The following VDAC2 variants were observed in gnomAD, a reference collection of about 807,000 sequenced individuals.
The protein encoded by VDAC2 is voltage dependent anion channel 2.
In VDAC2, 6 loss-of-function variants were observed where a neutral mutation model predicts 36.6. The ratio of observed to expected loss-of-function variants is 0.16; its 90% confidence interval spans 0.09 to 0.32. The LOEUF (loss-of-function observed/expected upper bound fraction) is 0.32, where lower values mean the gene tolerates loss of function less well. Among genes scored for constraint, VDAC2 ranks in the 10% least tolerant of loss-of-function variants. The pLI, the probability that VDAC2 is intolerant of heterozygous loss-of-function variation, is 1.00. For missense variants in VDAC2, 247 were observed against 346.0 expected, an observed-to-expected ratio of 0.71 and a Z score of 2.27; for synonymous variants, 109 against 123.8, an observed-to-expected ratio of 0.88 and a Z score of 0.79.
chr10:75,211,307 T>G (rs1374552575), intron 2 of VDAC2, 118 bp downstream of exon 2: 2 of 1,473,888 alleles, frequency 1.4e-6, no homozygotes, highest in African/African-American at 2.8e-5. Flanking sequence ...CTGCTTTTGG[T>G]GGTCGCCCCA....
At chr10:75,230,094 T>C (rs1283040112) in intron 9 of VDAC2, among the ~76,000 whole-genome samples, 1 of 152,210 alleles carries the variant, frequency 6.6e-6, no homozygotes, top group Non-Finnish European at 1.5e-5. Context: ...GCCTATAGTC[T>C]TGTTGACTTT....
chr10:75,230,513 T>C (rs1197601507), intron 9 of VDAC2, among the ~76,000 whole-genome samples: 2 of 152,204 alleles, frequency 1.3e-5, no homozygotes, highest in African/African-American at 4.8e-5. Context: ...AACATTAATG[T>C]AATACCAAAT....
At chr10:75,214,740 G>A (rs541570363) in intron 4 of VDAC2, among the ~76,000 whole-genome samples, 1 of 152,224 alleles carries the variant, frequency 6.6e-6, no homozygotes, top group Non-Finnish European at 1.5e-5. Flanking sequence ...GGCCAGGCTG[G>A]TCTCCAACTC....
At chr10:75,213,889 T>C (rs565031536) in intron 3 of VDAC2, 132 bp from the exon 4 acceptor site, 11 of 806,938 alleles carry the variant, frequency 1.4e-5, no homozygotes, top group South Asian at 1.2e-4. Context: ...CATTTAAATA[T>C]TGTATATTAA....
chr10:75,213,226 A>G (rs1208177837), intron 3 of VDAC2, among the ~76,000 whole-genome samples: 3 of 150,684 alleles, frequency 2.0e-5, no homozygotes, highest in African/African-American at 7.3e-5. Flanking sequence ...TTACAGGCAC[A>G]TGCCACCATG....
intron 4 of VDAC2, 82 bp downstream of exon 4, chr10:75,214,152 C>T (rs1444372568): frequency 7.0e-6 from 10 of 1,427,118 alleles, no homozygotes; most frequent in South Asian, 2.4e-5. Flanking sequence ...AAGATGTCTA[C>T]CTGTTTTGTC....
chr10:75,231,249 TA>T lies in VDAC2; in HGVS notation c.*262del, dbSNP rs1162636397. ...AACTGTTAAATGCGCTACCCACCAA[TA>T]ATGAAATAGACCTTTATGAAAACTG... On this transcript the variant is annotated 3_prime_UTR_variant, in exon 10 of 10. Transcript: ENST00000332211. 5.0e-5 allele frequency: 15 copies of T among 300,072 alleles called. No individual in the cohort carries two copies. The highest frequency in any genetic ancestry group is 5.2e-5 in the Admixed American group (1 of 19,350). 18.6% of individuals were successfully genotyped at this position (300,072 alleles called of 1,614,324 possible). A position where few individuals can be genotyped will look rare whatever the true frequency, so the allele number is the denominator to read the frequency against.
At chr10:75,212,400 C>A in intron 3 of VDAC2, 102 bp downstream of exon 3, 1 of 1,083,412 alleles carries the variant, frequency 9.2e-7, no homozygotes, top group Non-Finnish European at 1.3e-6. Context: ...AAATATCTTG[C>A]TGCTTTAAAT....
intron 5 of VDAC2, 35 bp from the exon 6 acceptor site, chr10:75,219,269 A>C (rs1442510604): frequency 6.4e-7 from 1 of 1,565,470 alleles, no homozygotes; most frequent in Admixed American, 1.9e-5. Flanking sequence ...TTGTATTTCA[A>C]AAAAAGAAAA....
intron 8 of VDAC2, 86 bp downstream of exon 8, chr10:75,222,488 T>A (rs1300993533): frequency 1.3e-6 from 2 of 1,530,394 alleles, no homozygotes; most frequent in Non-Finnish European, 1.8e-6. Context: ...AAATTTGAAC[T>A]GATTTCACAC....
rs1374217063 is a variant in VDAC2, at chr10:75,219,474, T to C, written c.356+118T>C. The C allele has an allele frequency of 1.4e-5, 11 of 813,668 alleles. No homozygotes were observed. In the Admixed American group the frequency reaches 1.8e-4, roughly 13 times the overall value. 50.4% of individuals were successfully genotyped at this position (813,668 alleles called of 1,614,324 possible). ...TAAGCTACCTTGTGGTGGTGAAATC[T>C]CTGTATCTGCTTTTATTTATTTATT... On this transcript the variant is annotated intron_variant, in intron 6 of 9. Coordinates refer to ENST00000332211, the MANE Select transcript of VDAC2 (RefSeq NM_001391963.1).
At chr10:75,223,426 A>T (rs1482348338) in intron 8 of VDAC2, among the ~76,000 whole-genome samples, 1 of 152,154 alleles carries the variant, frequency 6.6e-6, no homozygotes, top group Admixed American at 6.5e-5. Flanking sequence ...AGCTACTAGG[A>T]GTTCATAGTT....
chr10:75,223,828 A>G (rs1393398469), intron 8 of VDAC2, among the ~76,000 whole-genome samples: 2 of 152,100 alleles, frequency 1.3e-5, no homozygotes, highest in African/African-American at 4.8e-5. Flanking sequence ...TTAATCAGTC[A>G]TGCCTGTATA....
At chr10:75,228,662 C>G (rs971587439) in intron 8 of VDAC2, among the ~76,000 whole-genome samples, 2 of 152,216 alleles carry the variant, frequency 1.3e-5, no homozygotes, top group Non-Finnish European at 2.9e-5. Flanking sequence ...TACATCATTT[C>G]TTTCTCTGGA....
intron 4 of VDAC2, among the ~76,000 whole-genome samples, chr10:75,217,524 T>C (rs1205450766): frequency 6.6e-6 from 1 of 152,094 alleles, no homozygotes. Flanking sequence ...ATTACAGGGA[T>C]GCACCACCAT....
chr10:75,229,161 A>G (rs905955769), intron 8 of VDAC2: 2 of 145,518 alleles, frequency 1.4e-5, no homozygotes, highest in African/African-American at 5.0e-5. Context: ...TCGTTTGGAG[A>G]TTTTTTTTTT....
chr10:75,210,318 C>T (rs1841356864), upstream of VDAC2: 2 of 152,572 alleles, frequency 1.3e-5, no homozygotes, highest in Admixed American at 1.3e-4. Context: ...GAAGCGCAGG[C>T]TGCGCTAGCT....
chr10:75,214,311 C>G (rs1187475807), intron 4 of VDAC2, among the ~76,000 whole-genome samples: 1 of 152,220 alleles, frequency 6.6e-6, no homozygotes, highest in Non-Finnish European at 1.5e-5. Context: ...TCAGGTGGTA[C>G]TCTTTACTCG....
At chr10:75,218,714 A>C (rs1484851226) in intron 4 of VDAC2, among the ~76,000 whole-genome samples, 2 of 152,010 alleles carry the variant, frequency 1.3e-5, no homozygotes, top group African/African-American at 4.8e-5. Flanking sequence ...GTATGCCGAG[A>C]TCACGCCACT....
Sources: allele counts gnomAD v4.1 joint callset (sites outside exome capture counted in the v4.1 genomes callset), GRCh38; gene constraint gnomAD v4.1.1; transcripts MANE v1.5; gene names NCBI Gene and HGNC (gene_info 2026-07-23, HGNC 2026-07-21).